Variants in FSTL4 observed in about 807,000 individuals in gnomAD.
FSTL4 encodes follistatin like 4.
Under a neutral mutation model 78.2 loss-of-function variants are expected in FSTL4, and 28 were observed. That is an observed-to-expected ratio of 0.36 (90% confidence interval 0.27 to 0.49). The LOEUF (loss-of-function observed/expected upper bound fraction) is 0.49, where lower values mean the gene tolerates loss of function less well. Among genes scored for constraint, FSTL4 ranks in the 20% least tolerant of loss-of-function variants. The pLI is 0.98. For synonymous variants in FSTL4, 422 were observed against 440.5 expected, an observed-to-expected ratio of 0.96 and a Z score of 0.53; for missense variants, 922 against 1,084.9, an observed-to-expected ratio of 0.85 and a Z score of 2.11.
intron 4 of FSTL4, among the ~76,000 whole-genome samples, chr5:133,347,635 AG>A (rs1380649120): frequency 6.6e-6 from 1 of 152,236 alleles, no homozygotes; most frequent in African/African-American, 2.4e-5. Flanking sequence ...CTGCGATTAT[AG>A]GCATGAGCCA....
chr5:133,201,638 T>G (rs531765808), intron 15 of FSTL4, among the ~76,000 whole-genome samples: 1 of 152,356 alleles, frequency 6.6e-6, no homozygotes, highest in South Asian at 2.1e-4. Context: ...CTACTGTTTC[T>G]TTCTTTCCTC....
chr5:133,546,942 C>A (rs1168942659), intron 3 of FSTL4, among the ~76,000 whole-genome samples: 14 of 152,118 alleles, frequency 9.2e-5, no homozygotes, highest in Admixed American at 8.5e-4. Flanking sequence ...CTTCCTCCCC[C>A]CAGATTTCAA....
At chr5:133,616,310 A>AATCTATCTATCTATCTATCT (rs374635447), upstream of FSTL4, among the ~76,000 whole-genome samples, 59 of 147,278 alleles carry the variant, frequency 4.0e-4, no homozygotes, top group South Asian at 9.0e-4. Flanking sequence ...TGAAAATCTA[A>AATCTATCTATCTATCTATCT]ATCTATCTAT....
the FSTL4 span, among the ~76,000 whole-genome samples, chr5:133,635,081 A>AG: frequency 6.6e-5 from 10 of 152,276 alleles, no homozygotes; most frequent in East Asian, 9.6e-4. Flanking sequence ...TCTTTAAAAA[A>AG]AAAAAACATA....
the FSTL4 span, among the ~76,000 whole-genome samples, chr5:133,727,452 C>G: frequency 6.6e-6 from 1 of 152,222 alleles, no homozygotes; most frequent in Non-Finnish European, 1.5e-5. Flanking sequence ...CAACATTCCA[C>G]CCATCTTCCC....
At chr5:133,436,524 A>G (rs1216995327) in intron 3 of FSTL4, among the ~76,000 whole-genome samples, 1 of 152,144 alleles carries the variant, frequency 6.6e-6, no homozygotes, top group East Asian at 1.9e-4. Context: ...CCTTTATTCT[A>G]GAAGCATTGA....
the FSTL4 span, among the ~76,000 whole-genome samples, chr5:133,670,075 T>C: frequency 3.9e-5 from 6 of 152,168 alleles, no homozygotes; most frequent in Non-Finnish European, 5.9e-5. Context: ...GTAGGACCCA[T>C]GTCCTTCCCT....
At chr5:133,548,821 G>C (rs1018217685) in intron 3 of FSTL4, among the ~76,000 whole-genome samples, 30 of 152,142 alleles carry the variant, frequency 2.0e-4, no homozygotes, top group African/African-American at 7.0e-4. Context: ...GTAGATTGAA[G>C]CTTGAAGGGG....
intron 3 of FSTL4, among the ~76,000 whole-genome samples, chr5:133,558,899 G>A (rs1451809903): frequency 1.3e-5 from 2 of 152,180 alleles, no homozygotes; most frequent in Admixed American, 6.5e-5. Context: ...AGGAGAGAGA[G>A]TGTTGGCAGG....
At position 133,361,182 on chromosome 5, in the gene FSTL4, A is replaced by T. The variant is rs1286398030; in HGVS notation, c.409+39556T>A. ...ATGATTCCCGACCTCTTCTCGCTCT[A>T]ATAAACTTTTCAAGGAGGGGTCGCA... On this transcript the variant is annotated intron_variant, in intron 4 of 15. Coordinates refer to ENST00000265342, the MANE Select transcript of FSTL4 (RefSeq NM_015082.2). The surrounding 1 kb of genome is among the most constrained non-coding windows in gnomAD (Gnocchi z 4.3). 6.6e-6 allele frequency among the ~76,000 whole-genome samples: 1 copy of T among 152,162 alleles called. No homozygotes were observed. Among genetic ancestry groups the T allele is most frequent in the Non-Finnish European group, 1.5e-5 (1 of 68,024 alleles).
chr5:133,277,354 G>A (rs1175058175), intron 6 of FSTL4, among the ~76,000 whole-genome samples: 6 of 151,964 alleles, frequency 3.9e-5, no homozygotes, highest in Non-Finnish European at 5.9e-5. Context: ...AATTGTGTCA[G>A]GTAGGAGGAC....
At chr5:133,534,861 T>C (rs1364026526) in intron 3 of FSTL4, among the ~76,000 whole-genome samples, 3 of 152,276 alleles carry the variant, frequency 2.0e-5, no homozygotes, top group African/African-American at 7.2e-5. Context: ...CTTTTTTCCA[T>C]GCAACCTCCT....
chr5:133,715,708 A>T, the FSTL4 span, among the ~76,000 whole-genome samples: 1 of 152,184 alleles, frequency 6.6e-6, no homozygotes, highest in Non-Finnish European at 1.5e-5. Context: ...ATTTTGCTCA[A>T]TGAGGACTGG....
chr5:133,633,849 T>A, the FSTL4 span, among the ~76,000 whole-genome samples: 5 of 151,986 alleles, frequency 3.3e-5, no homozygotes, highest in East Asian at 9.7e-4. Context: ...TTAGTGTCCG[T>A]TGAACTGAGA....
intron 3 of FSTL4, among the ~76,000 whole-genome samples, chr5:133,484,223 C>G (rs1000591186): frequency 3.9e-5 from 6 of 152,246 alleles, no homozygotes; most frequent in African/African-American, 1.4e-4. Flanking sequence ...CCATCATCAT[C>G]TCTGAGCCCT....
chr5:133,388,168 C>CT (rs1208037172), intron 4 of FSTL4, among the ~76,000 whole-genome samples: 6 of 152,198 alleles, frequency 3.9e-5, no homozygotes, highest in Non-Finnish European at 5.9e-5. Context: ...TTTCAAGAGC[C>CT]TCTGTGCTCA....
At position 133,198,653 on chromosome 5, in the gene FSTL4, T is replaced by G; in HGVS notation, c.*442A>C. The stretch of plus-strand genomic sequence containing the variant: ...CACGCGAGGACGGATGGGCTTTCAG[T>G]TCGGGAGGGAGGCCCCTGCTCCTGG... On this transcript the variant is annotated 3_prime_UTR_variant, in exon 16 of 16. Transcript: ENST00000265342. The G allele has an allele frequency of 6.4e-6, 1 of 156,766 alleles. No homozygotes were observed. The highest frequency in any genetic ancestry group is 1.4e-5 in the Non-Finnish European group (1 of 70,982). 9.7% of individuals were successfully genotyped at this position (156,766 alleles called of 1,614,324 possible). A position where few individuals can be genotyped will look rare whatever the true frequency, so the allele number is the denominator to read the frequency against.
chr5:133,394,257 T>C (rs571394872), intron 4 of FSTL4, among the ~76,000 whole-genome samples: 1 of 152,372 alleles, frequency 6.6e-6, no homozygotes, highest in African/African-American at 2.4e-5. Context: ...CTGGCCATGC[T>C]TGAGGAGCCC....
At chr5:133,348,130 T>C (rs1330232819) in intron 4 of FSTL4, among the ~76,000 whole-genome samples, 2 of 152,218 alleles carry the variant, frequency 1.3e-5, no homozygotes, top group Admixed American at 1.3e-4. Context: ...GAGAAAAGTA[T>C]GGTGCACAGA....
Sources: allele counts gnomAD v4.1 joint callset (sites outside exome capture counted in the v4.1 genomes callset), GRCh38; gene constraint gnomAD v4.1.1; non-coding constraint Gnocchi (gnomAD v3.1); transcripts MANE v1.5; gene names NCBI Gene and HGNC (gene_info 2026-07-23, HGNC 2026-07-21).